ZNF804B: variants seen among roughly 807,000 people sequenced by gnomAD.
The protein encoded by ZNF804B is zinc finger 804B.
Under a neutral mutation model 101.4 loss-of-function variants are expected in ZNF804B, and 80 were observed. The ratio of observed to expected loss-of-function variants is 0.79; its 90% CI spans 0.66 to 0.95. The LOEUF is 0.95. Ranked by LOEUF, ZNF804B falls within the 40% of genes least tolerant of loss-of-function variation. The probability of loss-of-function intolerance (pLI) is 0.00; values close to 1 mark genes in which losing one functional copy is unlikely to be tolerated. For synonymous variants in ZNF804B, 622 were observed against 558.8 expected, an observed-to-expected ratio of 1.11 and a Z score of -1.59; for missense variants, 1,673 against 1,561.9, an observed-to-expected ratio of 1.07 and a Z score of -1.20.
intron 1 of ZNF804B, among the ~76,000 whole-genome samples, chr7:88,939,312 A>T (rs1272799081): frequency 6.6e-6 from 1 of 151,946 alleles, no homozygotes; most frequent in African/African-American, 2.4e-5. Flanking sequence ...ATAAATAGTT[A>T]TTGTGCTCTA....
chr7:88,921,768 C>G (rs753158328), intron 1 of ZNF804B, among the ~76,000 whole-genome samples: 32 of 151,948 alleles, frequency 2.1e-4, no homozygotes, highest in Non-Finnish European at 4.3e-4. Flanking sequence ...CAAAGTCTTT[C>G]TTTCCCAGGG....
chr7:88,851,488 C>T (rs1296349982), intron 1 of ZNF804B, among the ~76,000 whole-genome samples: 1 of 151,888 alleles, frequency 6.6e-6, no homozygotes, highest in African/African-American at 2.4e-5. Context: ...TTTAAAATAT[C>T]GAAACAAAGA....
chr7:89,266,877 T>TTGTGTGTGTGTGTGTGTGTG (rs66604616), intron 2 of ZNF804B, among the ~76,000 whole-genome samples: 4,085 of 150,946 alleles, frequency 0.027, 159 homozygotes, highest in African/African-American at 0.085. Context: ...GTGTCTGTGT[T>TTGTGTGTGTGTGTGTGTGTG]TGTGTGTGTG....
At chr7:89,280,061 T>A (rs1790063216) in intron 2 of ZNF804B, among the ~76,000 whole-genome samples, 1 of 152,070 alleles carries the variant, frequency 6.6e-6, no homozygotes, top group Non-Finnish European at 1.5e-5. Context: ...AAACTATCTC[T>A]CAGACCACAG....
intron 2 of ZNF804B, among the ~76,000 whole-genome samples, chr7:89,274,965 A>T (rs999208808): frequency 6.6e-6 from 1 of 151,900 alleles, no homozygotes; most frequent in Non-Finnish European, 1.5e-5. Flanking sequence ...TTCTGTTCTC[A>T]GTGAGACAGA....
chr7:89,051,827 C>T (rs1008878150), intron 1 of ZNF804B, among the ~76,000 whole-genome samples: 1 of 152,154 alleles, frequency 6.6e-6, no homozygotes, highest in African/African-American at 2.4e-5. Context: ...TTCCACATCT[C>T]TTACCAGTGT....
intron 1 of ZNF804B, among the ~76,000 whole-genome samples, chr7:88,799,027 C>A (rs901113269): frequency 1.3e-5 from 2 of 152,100 alleles, no homozygotes; most frequent in Non-Finnish European, 2.9e-5. Flanking sequence ...GCCAAGTCTT[C>A]TTTCAATTAT....
In ZNF804B at chr7:89,248,969, CA is replaced by C. The variant is rs544736049; in HGVS notation, c.249+30681del. 2.6e-3 allele frequency among the ~76,000 whole-genome samples: 360 copies of C among 139,244 alleles called. 2 individuals are homozygous for C. Among genetic ancestry groups the C allele is most frequent in the African/African-American group, 9.1e-3 (343 of 37,640 alleles). The allele number at this position is 139,244 out of a possible 152,430, so 91.3% of individuals were successfully genotyped here. ...AGAAGCATCATAAGAACAGAACACA[CA>C]AAAAAAGGCAGGGTAGCTATTCTTA... On this transcript the variant is annotated intron_variant, in intron 2 of 3. Coordinates refer to ENST00000333190, the MANE Select transcript of ZNF804B (RefSeq NM_181646.5).
At position 89,327,411 on chromosome 7, in the gene ZNF804B, A is replaced by AAAAAC. The variant is rs1431122949; in HGVS notation, c.320_324dup (p.Glu109AsnfsTer15). ...GCTTCTAAGTCATGGAAAGATGAGA[A>AAAAAC]AAAACAAGAAAAAGCACTTAAACGA... is the stretch of plus-strand genomic sequence containing the variant. On this transcript the variant is annotated frameshift_variant, in exon 3 of 4. Coordinates refer to ENST00000333190, the MANE Select transcript of ZNF804B (RefSeq NM_181646.5). LOFTEE classifies it high-confidence loss of function. The AAAAAC allele has an allele frequency of 6.2e-7, 1 of 1,611,560 alleles. No homozygotes were observed. The highest frequency in any genetic ancestry group is 8.5e-7 in the Non-Finnish European group (1 of 1,178,634).
chr7:89,269,575 A>G (rs1343296177), intron 2 of ZNF804B, among the ~76,000 whole-genome samples: 2 of 152,190 alleles, frequency 1.3e-5, no homozygotes, highest in Non-Finnish European at 2.9e-5. Context: ...TTGGGTATAT[A>G]CCCAGTAATG....
intron 1 of ZNF804B, among the ~76,000 whole-genome samples, chr7:89,167,433 A>G (rs1791160503): frequency 6.6e-6 from 1 of 151,702 alleles, no homozygotes; most frequent in South Asian, 2.1e-4. Flanking sequence ...GAAAACAGCA[A>G]GACAGTGTCT....
At chr7:89,254,953 T>C (rs1789603461) in intron 2 of ZNF804B, among the ~76,000 whole-genome samples, 1 of 152,148 alleles carries the variant, frequency 6.6e-6, no homozygotes, top group African/African-American at 2.4e-5. Context: ...GCCAGGACTG[T>C]TAAAGAAGAA....
intron 2 of ZNF804B, among the ~76,000 whole-genome samples, chr7:89,246,807 AG>A (rs1789454666): frequency 6.6e-6 from 1 of 152,004 alleles, no homozygotes; most frequent in African/African-American, 2.4e-5. Flanking sequence ...CTCCATACTT[AG>A]GCATATCTCC....
chr7:89,017,272 T>A (rs1788583653), intron 1 of ZNF804B, among the ~76,000 whole-genome samples: 1 of 152,222 alleles, frequency 6.6e-6, no homozygotes, highest in African/African-American at 2.4e-5. Context: ...TACAGTCATG[T>A]CATCTGCAAA....
In ZNF804B at chr7:89,337,858, A is replaced by C. The variant is rs1791127461; in HGVS notation, c.*826A>C. On this transcript the variant is annotated 3_prime_UTR_variant, in exon 4 of 4. Transcript: ENST00000333190. ...TGTCAAATATAACAGGAACTAAAAT[A>C]TTGTTTATTATTCTTCTACTCAAAA... Among the ~76,000 whole-genome samples, 1 of 152,094 alleles carries C rather than the reference A, an allele frequency of 6.6e-6. No individual in the cohort carries two copies. Among genetic ancestry groups the C allele is most frequent in the Admixed American group, 6.6e-5 (1 of 15,250 alleles).
intron 1 of ZNF804B, among the ~76,000 whole-genome samples, chr7:89,015,807 G>A (rs1431444573): frequency 1.3e-5 from 2 of 152,178 alleles, no homozygotes; most frequent in African/African-American, 4.8e-5. Flanking sequence ...ACGTGTGCAT[G>A]TGTCTTCATA....
intron 1 of ZNF804B, among the ~76,000 whole-genome samples, chr7:89,124,028 A>G (rs919780356): frequency 6.6e-6 from 1 of 152,146 alleles, no homozygotes; most frequent in African/African-American, 2.4e-5. Flanking sequence ...TCCAGAAGGA[A>G]CCACGTTGAA....
intron 2 of ZNF804B, among the ~76,000 whole-genome samples, chr7:89,261,888 A>T (rs1009228744): frequency 3.9e-5 from 6 of 152,260 alleles, no homozygotes; most frequent in African/African-American, 1.2e-4. Flanking sequence ...ATTTTCCATG[A>T]GGTGTGTTAT....
intron 1 of ZNF804B, among the ~76,000 whole-genome samples, chr7:88,768,132 A>G (rs974776921): frequency 4.6e-5 from 7 of 152,236 alleles, no homozygotes; most frequent in African/African-American, 1.7e-4. Context: ...GATGAACAAT[A>G]TATTATTAGA....
Sources: allele counts gnomAD v4.1 joint callset (sites outside exome capture counted in the v4.1 genomes callset), GRCh38; gene constraint gnomAD v4.1.1; transcripts MANE v1.5; gene names NCBI Gene and HGNC (gene_info 2026-07-23, HGNC 2026-07-21).